Variants in MRPL44 observed in about 807,000 individuals in gnomAD.
MRPL44 encodes the protein mitochondrial ribosomal protein L44, also known as large ribosomal subunit protein mL44.
In MRPL44, 21 loss-of-function variants were observed where a neutral mutation model predicts 25.9. The ratio of observed to expected loss-of-function variants is 0.81; its 90% CI spans 0.58 to 1.17. The LOEUF is 1.17. MRPL44 is among the 50% of genes most tolerant of loss of function. The pLI, the probability that MRPL44 is intolerant of heterozygous loss-of-function variation, is 0.00. For synonymous variants in MRPL44, 169 were observed against 151.0 expected, an observed-to-expected ratio of 1.12 and a Z score of -0.87; for missense variants, 410 against 398.9, an observed-to-expected ratio of 1.03 and a Z score of -0.24.
chr2:223,966,887 A>T lies in MRPL44; in HGVS notation c.852A>T (p.Gly284=). The T allele has an allele frequency of 1.2e-6, 2 of 1,613,658 alleles. No homozygotes were observed. The highest frequency in any genetic ancestry group is 1.7e-6 in the Non-Finnish European group (2 of 1,179,884). The change falls in exon 4 of 4, where the codon GGA becomes GGT. Residue 284 remains glycine (G), a synonymous_variant. Transcript: ENST00000258383. ...GTGATAAAAAGTTGATTGCAGAAGG[A>T]CCTGGGGAAACAGTATTGGTTGCAG... ...LYCDKKLIAE[G]PGETVLVAEE...
Position 223,959,685 on chromosome 2 carries a change from G to A in MRPL44, c.331G>A (p.Glu111Lys). The A allele has an allele frequency of 3.1e-6, 5 of 1,614,248 alleles. No individual in the cohort carries two copies. The highest frequency in any genetic ancestry group is 4.2e-6 in the Non-Finnish European group (5 of 1,180,042). The change falls in exon 2 of 4, where the codon GAG becomes AAG. Residue 111 changes from glutamate (E) to lysine (K), a missense_variant. Glu to Lys is a moderately conservative substitution (Grantham distance 56, BLOSUM62 1). Coordinates refer to ENST00000258383, the MANE Select transcript of MRPL44 (RefSeq NM_022915.5). ...GGCCAAACGCCAACAACTTGGGATA[G>A]AGAAAGAAGCTGTTCTTCTGAATCT... ...EEAKRQQLGI[E>K]KEAVLLNLKS...
In MRPL44 at chr2:223,957,525, C is replaced by T. The variant is rs1276219293; in HGVS notation, c.53C>T (p.Ala18Val). The change falls in exon 1 of 4, where the codon GCT becomes GTT. Residue 18 changes from alanine (A) to valine (V), a missense_variant. By Grantham distance (64) the Ala-to-Val change is moderately conservative (BLOSUM62 0). Coordinates refer to ENST00000258383, the MANE Select transcript of MRPL44 (RefSeq NM_022915.5). ...LLQQGHRCLLAPVAPKLVPPV... is the reference protein window; with the variant it reads ...LLQQGHRCLLVPVAPKLVPPV... Reference sequence around the variant, plus strand: ...CAGCAGGGACATCGCTGCCTCCTGGCTCCAGTCGCCCCCAAGCTGGTCCCT... The same window carrying T: ...CAGCAGGGACATCGCTGCCTCCTGGTTCCAGTCGCCCCCAAGCTGGTCCCT... The T allele has an allele frequency of 6.2e-7, 1 of 1,614,114 alleles. No homozygotes were observed. The highest frequency in any genetic ancestry group is 1.7e-5 in the Admixed American group (1 of 60,036).
intron 1 of MRPL44, 86 bp downstream of exon 1, chr2:223,957,737 CGCCCCTGGGTTAA>C: frequency 7.0e-7 from 1 of 1,422,818 alleles, no homozygotes; most frequent in Non-Finnish European, 9.4e-7. Flanking sequence ...GCGGCTGATG[CGCCCCTGGGTTAA>C]GCCTTAGGAA....
the MRPL44 span, among the ~76,000 whole-genome samples, chr2:223,951,497 T>TTTTTTTTC: frequency 6.7e-6 from 1 of 148,612 alleles, no homozygotes; most frequent in African/African-American, 2.6e-5. Flanking sequence ...TTTTTTTTTT[T>TTTTTTTTC]CAGACAGAGT....
upstream of MRPL44, chr2:223,957,287 G>A: frequency 3.0e-6 from 2 of 658,142 alleles, no homozygotes; most frequent in South Asian, 1.8e-5. Flanking sequence ...GTAGCCTCAA[G>A]GCGGCCGCAA....
the MRPL44 span, among the ~76,000 whole-genome samples, chr2:223,951,856 A>G: frequency 1.3e-5 from 2 of 152,128 alleles, no homozygotes; most frequent in Non-Finnish European, 2.9e-5. Context: ...GTCATGCTAG[A>G]CTTCCTTGAG....
Position 223,957,542 on chromosome 2 carries a change from C to T in MRPL44, c.70C>T (p.Leu24=), listed in dbSNP as rs1248647346. The stretch of plus-strand genomic sequence containing the variant: ...CCTCCTGGCTCCAGTCGCCCCCAAG[C>T]TGGTCCCTCCGGTTCGGGGAGTGAA... ...RCLLAPVAPK[L]VPPVRGVKKG... The change falls in exon 1 of 4, where the codon CTG becomes TTG. Residue 24 remains leucine, a synonymous_variant. Coordinates refer to ENST00000258383, the MANE Select transcript of MRPL44 (RefSeq NM_022915.5). 1 of 1,614,092 alleles carries T rather than the reference C, an allele frequency of 6.2e-7. No homozygotes were observed. The highest frequency in any genetic ancestry group is 1.7e-5 in the Admixed American group (1 of 60,038).
chr2:223,962,657 T>G (rs2106118289), intron 2 of MRPL44, among the ~76,000 whole-genome samples: 1 of 152,306 alleles, frequency 6.6e-6, no homozygotes, highest in African/African-American at 2.4e-5. Context: ...TATGCTACAG[T>G]TTTAAAAGTT....
rs58225491 is a variant in MRPL44, at chr2:223,963,171, C to T, written c.649-585C>T. Among the ~76,000 whole-genome samples the T allele has an allele frequency of 2.8e-3, 425 of 152,096 alleles. 1 individual carries two copies. The highest frequency in any genetic ancestry group is 9.9e-3 in the African/African-American group (412 of 41,482). ...CTAAATTATAAGATAGGGCAGGGTA[C>T]GGTGACTAATGCCTGTAATTCCAAT... On this transcript the variant is annotated intron_variant, in intron 2 of 3. Transcript: ENST00000258383.
chr2:223,958,764 A>G (rs1051601385), intron 1 of MRPL44, among the ~76,000 whole-genome samples: 1 of 152,210 alleles, frequency 6.6e-6, no homozygotes, highest in Non-Finnish European at 1.5e-5. Context: ...TTGGTTCTAG[A>G]CCACGACAAT....
chr2:223,951,478 GTTTTT>G, the MRPL44 span, among the ~76,000 whole-genome samples: 1,267 of 112,546 alleles, frequency 0.011, 42 homozygotes, highest in African/African-American at 0.041. Flanking sequence ...TTACCTTGGA[GTTTTT>G]TTTTTTTTTT....
upstream of MRPL44, among the ~76,000 whole-genome samples, chr2:223,953,134 C>CT (rs529578122): frequency 0.012 from 1,706 of 139,412 alleles, 29 homozygotes; most frequent in African/African-American, 0.037. Context: ...TATCCAGATT[C>CT]TTTTTTTTTT....
chr2:223,957,428 G>C, upstream of MRPL44: 1 of 1,610,978 alleles, frequency 6.2e-7, no homozygotes, highest in Non-Finnish European at 8.5e-7. Context: ...CGGGGACACT[G>C]GCCCGACTAC....
chr2:223,955,207 A>G (rs1454121334), upstream of MRPL44, among the ~76,000 whole-genome samples: 2 of 152,208 alleles, frequency 1.3e-5, no homozygotes, highest in Non-Finnish European at 2.9e-5. Flanking sequence ...CAAATTTTCC[A>G]TCAAGTCAAA....
upstream of MRPL44, among the ~76,000 whole-genome samples, chr2:223,952,718 G>A (rs1689510154): frequency 6.6e-6 from 1 of 152,166 alleles, no homozygotes; most frequent in South Asian, 2.1e-4. Context: ...TGTAAAAGTA[G>A]CCGAGTCTCA....
chr2:223,957,436 T>C (rs1239143023), upstream of MRPL44: 1 of 1,613,172 alleles, frequency 6.2e-7, no homozygotes, highest in Non-Finnish European at 8.5e-7. Context: ...CTGGCCCGAC[T>C]ACTTTCGTTC....
chr2:223,954,386 T>C (rs1400386846), upstream of MRPL44, among the ~76,000 whole-genome samples: 1 of 152,364 alleles, frequency 6.6e-6, no homozygotes, highest in Admixed American at 6.5e-5. Context: ...CTCCAGAACT[T>C]AGTGGCATAA....
chr2:223,952,323 G>A, the MRPL44 span, among the ~76,000 whole-genome samples: 5 of 152,068 alleles, frequency 3.3e-5, no homozygotes, highest in East Asian at 1.9e-4. Flanking sequence ...CTCTTTTGTC[G>A]CAGCCCTCAA....
At chr2:223,957,872 A>G (rs1482619170) in intron 1 of MRPL44, among the ~76,000 whole-genome samples, 1 of 152,176 alleles carries the variant, frequency 6.6e-6, no homozygotes, top group East Asian at 1.9e-4. Context: ...TGAAACTACC[A>G]TTTAGGATTT....
Sources: allele counts gnomAD v4.1 joint callset (sites outside exome capture counted in the v4.1 genomes callset), GRCh38; gene constraint gnomAD v4.1.1; transcripts MANE v1.5; gene names NCBI Gene and HGNC (gene_info 2026-07-23, HGNC 2026-07-21).